The following CACNA2D3 variants were observed in gnomAD, a reference collection of about 807,000 sequenced individuals.
The protein encoded by CACNA2D3 is voltage-dependent calcium channel subunit alpha-2/delta-3.
CACNA2D3 carries 60 observed loss-of-function variants against 160.6 expected under a neutral mutation model. The ratio of observed to expected loss-of-function variants is 0.37; its 90% CI spans 0.30 to 0.46. The LOEUF is 0.46. CACNA2D3 is among the 20% of genes least tolerant of loss of function. The pLI is 1.00. For missense variants in CACNA2D3, 1,205 were observed against 1,365.0 expected (o/e 0.88, Z 1.85); for synonymous variants, 558 against 492.9 (o/e 1.13, Z -1.75).
intron 26 of CACNA2D3, among the ~76,000 whole-genome samples, chr3:54,898,904 GCTCT>G (rs1045663563): frequency 1.3e-5 from 2 of 152,188 alleles, no homozygotes; most frequent in African/African-American, 2.4e-5. Flanking sequence ...CTGTGGTGGA[GCTCT>G]CTCTGATTTT....
At chr3:54,570,782 G>T (rs1702483551) in intron 8 of CACNA2D3, among the ~76,000 whole-genome samples, 1 of 152,052 alleles carries the variant, frequency 6.6e-6, no homozygotes, top group Non-Finnish European at 1.5e-5. Context: ...GGGAGATCAG[G>T]GAACCAAGCC....
At chr3:54,191,067 T>G (rs985151287) in intron 2 of CACNA2D3, among the ~76,000 whole-genome samples, 26 of 141,182 alleles carry the variant, frequency 1.8e-4, no homozygotes, top group African/African-American at 4.9e-4. Flanking sequence ...AAAAAAAAAG[T>G]GCCTTTCTTG....
chr3:54,890,968 A>G (rs1700051536), intron 24 of CACNA2D3, among the ~76,000 whole-genome samples: 1 of 152,216 alleles, frequency 6.6e-6, no homozygotes. Flanking sequence ...GCTTTAATGC[A>G]AAAAGCGAGT....
At chr3:54,560,339 A>G (rs1374046641) in intron 5 of CACNA2D3, among the ~76,000 whole-genome samples, 1 of 152,180 alleles carries the variant, frequency 6.6e-6, no homozygotes, top group Non-Finnish European at 1.5e-5. Context: ...ATGATCAGTG[A>G]TGTTGAGCTT....
chr3:54,896,913 G>T (rs1559621273), intron 26 of CACNA2D3, 43 bp downstream of exon 26: 3 of 1,613,204 alleles, frequency 1.9e-6, no homozygotes, highest in Non-Finnish European at 2.5e-6. Flanking sequence ...GTCTGGTCCA[G>T]TGGGTCTGGG....
At chr3:54,578,056 C>T (rs1440591734) in intron 8 of CACNA2D3, among the ~76,000 whole-genome samples, 1 of 152,186 alleles carries the variant, frequency 6.6e-6, no homozygotes, top group Non-Finnish European at 1.5e-5. Flanking sequence ...AGCCTGGGCC[C>T]ACTCCTGTCT....
chr3:54,791,277 C>A (rs991164416), intron 13 of CACNA2D3, among the ~76,000 whole-genome samples: 2 of 152,150 alleles, frequency 1.3e-5, no homozygotes, highest in African/African-American at 4.8e-5. Flanking sequence ...ATTATTATTT[C>A]TCAATGTTCA....
chr3:54,652,654 C>T (rs914212654), intron 11 of CACNA2D3, among the ~76,000 whole-genome samples: 2 of 151,990 alleles, frequency 1.3e-5, no homozygotes, highest in Non-Finnish European at 2.9e-5. Flanking sequence ...GTGGCTGGAG[C>T]CCAGTGGACA....
chr3:55,027,056 C>T (rs1703578243), intron 35 of CACNA2D3, among the ~76,000 whole-genome samples: 1 of 152,184 alleles, frequency 6.6e-6, no homozygotes, highest in Non-Finnish European at 1.5e-5. Flanking sequence ...TTCTCTTCCT[C>T]CTCCTCTTCT....
At chr3:54,716,955 C>T (rs1183803760) in intron 11 of CACNA2D3, among the ~76,000 whole-genome samples, 5 of 150,720 alleles carry the variant, frequency 3.3e-5, no homozygotes, top group Admixed American at 6.6e-5. Flanking sequence ...TAAATCATAG[C>T]GTCAAGACAG....
intron 5 of CACNA2D3, among the ~76,000 whole-genome samples, chr3:54,535,333 C>G (rs1266586016): frequency 1.3e-5 from 2 of 152,188 alleles, no homozygotes; most frequent in Non-Finnish European, 2.9e-5. Context: ...AATAGTGCCT[C>G]AAATAAAGTA....
chr3:54,214,334 T>C (rs974718340), intron 2 of CACNA2D3, among the ~76,000 whole-genome samples: 3 of 152,156 alleles, frequency 2.0e-5, no homozygotes, highest in Non-Finnish European at 4.4e-5. Flanking sequence ...TGCCATATTC[T>C]TGATATTTTC....
At chr3:54,338,222 G>C (rs1158151578) in intron 3 of CACNA2D3, among the ~76,000 whole-genome samples, 1 of 152,224 alleles carries the variant, frequency 6.6e-6, no homozygotes, top group Admixed American at 6.5e-5. Context: ...TGGGAACAAT[G>C]TTTTTCTCCT....
At chr3:54,141,670 C>T (rs1188294584) in intron 2 of CACNA2D3, among the ~76,000 whole-genome samples, 2 of 152,122 alleles carry the variant, frequency 1.3e-5, no homozygotes, top group African/African-American at 4.8e-5. Flanking sequence ...GCTTTTAATC[C>T]AGGATGTCAA....
intron 17 of CACNA2D3, among the ~76,000 whole-genome samples, chr3:54,863,697 C>G (rs1017999422): frequency 6.7e-6 from 1 of 149,230 alleles, no homozygotes; most frequent in African/African-American, 2.5e-5. Flanking sequence ...GTTTTCAAAG[C>G]AGCCTGTTAA....
chr3:54,770,575 A>G lies in CACNA2D3; in HGVS notation c.1380+6224A>G, dbSNP rs189748973. 2.3e-4 allele frequency among the ~76,000 whole-genome samples: 35 copies of G among 152,342 alleles called. No individual in the cohort carries two copies. In the East Asian group the frequency reaches 6.4e-3, roughly 28 times the overall value. ...GTTTTTCTAAACGGGAAAAGGGTTA[A>G]TTGGCCACAGCTTAACTGACTCAGT... On this transcript the variant is annotated intron_variant, in intron 13 of 37. Coordinates refer to ENST00000474759, the MANE Select transcript of CACNA2D3 (RefSeq NM_018398.3).
At chr3:54,918,231 C>A in intron 27 of CACNA2D3, 1 of 487,522 alleles carries the variant, frequency 2.1e-6, no homozygotes, top group Non-Finnish European at 3.6e-6. Context: ...CTTCCCAGGC[C>A]CAGAGCACAA....
At chr3:54,213,986 A>G (rs1309031729) in intron 2 of CACNA2D3, among the ~76,000 whole-genome samples, 2 of 152,168 alleles carry the variant, frequency 1.3e-5, no homozygotes, top group African/African-American at 2.4e-5. Context: ...ACCCTACTGT[A>G]GTGGGGATGC....
chr3:54,885,097 A>T (rs988216126), intron 21 of CACNA2D3, among the ~76,000 whole-genome samples, 184 bp from the exon 22 acceptor site: 1 of 152,058 alleles, frequency 6.6e-6, no homozygotes, highest in African/African-American at 2.4e-5. Flanking sequence ...ATGGGGAGAG[A>T]GTCCTGCCTG....
Sources: allele counts gnomAD v4.1 joint callset (sites outside exome capture counted in the v4.1 genomes callset), GRCh38; gene constraint gnomAD v4.1.1; transcripts MANE v1.5; gene names NCBI Gene and HGNC (gene_info 2026-07-23, HGNC 2026-07-21).